The following COPB1 variants were observed in gnomAD, a reference collection of about 807,000 sequenced individuals.
COPB1 encodes coat protein complex I subunit beta 1, also known as coatomer subunit beta.
COPB1 carries 21 observed loss-of-function variants against 108.7 expected under a neutral mutation model. That is an observed-to-expected ratio of 0.19 (90% CI 0.14 to 0.28). COPB1 has a LOEUF of 0.28. Among genes scored for constraint, COPB1 ranks in the 10% least tolerant of loss-of-function variants. The pLI, the probability that COPB1 is intolerant of heterozygous loss-of-function variation, is 1.00. For synonymous variants in COPB1, 378 were observed against 386.8 expected, an observed-to-expected ratio of 0.98 and a Z score of 0.27; for missense variants, 919 against 1,141.3, an observed-to-expected ratio of 0.81 and a Z score of 2.81.
chr11:14,460,988 A>C (rs763082751), intron 19 of COPB1, among the ~76,000 whole-genome samples, 198 bp downstream of exon 19: 1 of 152,190 alleles, frequency 6.6e-6, no homozygotes. Flanking sequence ...CTGCTACTCT[A>C]ATCAATTTAT....
chr11:14,491,021 C>T (rs2575860), intron 4 of COPB1, among the ~76,000 whole-genome samples: 49,888 of 151,620 alleles, frequency 0.33, 9,485 homozygotes, highest in African/African-American at 0.53. Context: ...GAACTCCTGA[C>T]CTCATGATTT....
rs1376339518 is a variant in COPB1 at position 14,469,347 on chromosome 11, A to G, written c.1954T>C (p.Leu652=). ...MLSAKLEEEK[L]SQKKESEKRN... is the part of the protein sequence containing the mutation. ...CATATATACCTTACCTTTTGGGATA[A>G]TTTCTCTTCTTCTAGTTTAGCAGAT... is the stretch of plus-strand genomic sequence containing the variant. The change falls in exon 15 of 22, where the codon TTA becomes CTA. Residue 652 remains leucine (L), a synonymous_variant. Transcript: ENST00000439561. The G allele has an allele frequency of 6.2e-7, 1 of 1,613,738 alleles. No homozygotes were observed. Among genetic ancestry groups the G allele is most frequent in the South Asian group, 1.1e-5 (1 of 91,054 alleles).
intron 7 of COPB1, among the ~76,000 whole-genome samples, chr11:14,484,953 A>G (rs1850738258): frequency 6.6e-6 from 1 of 152,182 alleles, no homozygotes; most frequent in African/African-American, 2.4e-5. Context: ...AGAAAGGTAA[A>G]TACTCTATTA....
At chr11:14,468,917 G>C in intron 15 of COPB1, 57 bp from the exon 16 acceptor site, 7 of 1,431,476 alleles carry the variant, frequency 4.9e-6, no homozygotes, top group Non-Finnish European at 6.7e-6. Context: ...TTTTTTAGAG[G>C]CTTTTGACAG....
intron 17 of COPB1, 113 bp downstream of exon 17, chr11:14,466,169 A>C: frequency 9.6e-7 from 1 of 1,037,118 alleles, no homozygotes; most frequent in Non-Finnish European, 1.3e-6. Flanking sequence ...CTTGATTCAA[A>C]ATGTCAGAAA....
rs201479973 is a variant in COPB1 at position 14,480,813 on chromosome 11, T to C, written c.1158A>G (p.Thr386=). ...GAAATCGGACAGAACAGGAATGCAA[T>C]GTTCGCACTAGGAGTTGTCTGTATT... The part of the protein sequence containing the change: ...TDKYRQLLVR[T]LHSCSVRFPD... The change falls in exon 10 of 22, where the codon ACA becomes ACG. Residue 386 remains threonine (T), a synonymous_variant. Transcript: ENST00000439561. The C allele has an allele frequency of 6.2e-6, 10 of 1,613,998 alleles. No homozygotes were observed. Among genetic ancestry groups the C allele is most frequent in the African/African-American group, 1.3e-5 (1 of 74,938 alleles).
In COPB1 at chr11:14,475,991, A is replaced by T. The variant is rs538201410; in HGVS notation, c.1456-46T>A. The T allele has an allele frequency of 2.1e-5, 30 of 1,448,202 alleles. No homozygotes were observed. In the African/African-American group the frequency reaches 3.3e-4, roughly 16 times the overall value. The allele number at this position is 1,448,202 out of a possible 1,614,324, so 89.7% of individuals were successfully genotyped here. ...TCATTTTAGTAATAGTATCAACAGC[A>T]AGCAAAATTATCTTTAAATATTTGA... On this transcript the variant is annotated intron_variant, in intron 12 of 21. Transcript: ENST00000439561.
intron 14 of COPB1, chr11:14,473,860 A>G (rs904161781): frequency 1.3e-5 from 2 of 151,958 alleles, no homozygotes; most frequent in African/African-American, 4.8e-5. Context: ...AAAAAAAGCA[A>G]TATGTGCAAA....
At chr11:14,471,634 CTGGCCAGGCACGG>C (rs1279397083) in intron 14 of COPB1, among the ~76,000 whole-genome samples, 1 of 152,042 alleles carries the variant, frequency 6.6e-6, no homozygotes, top group Non-Finnish European at 1.5e-5. Flanking sequence ...CAAAAAGAAC[CTGGCCAGGCACGG>C]TGGCTCATGC....
chr11:14,484,862 A>AT, intron 7 of COPB1, among the ~76,000 whole-genome samples: 1 of 152,362 alleles, frequency 6.6e-6, no homozygotes, highest in South Asian at 2.1e-4. Context: ...AATTTAAACA[A>AT]TTTGGCTTTT....
chr11:14,487,945 A>C (rs1850814002), intron 6 of COPB1, among the ~76,000 whole-genome samples: 1 of 152,222 alleles, frequency 6.6e-6, no homozygotes. Flanking sequence ...TCAGAACATT[A>C]AGATGTAACC....
intron 21 of COPB1, among the ~76,000 whole-genome samples, 157 bp from the exon 22 acceptor site, chr11:14,458,040 C>A (rs1208875745): frequency 6.6e-6 from 1 of 150,664 alleles, no homozygotes; most frequent in Non-Finnish European, 1.5e-5. Flanking sequence ...CTGGTAATTA[C>A]CTTTCAGTGC....
chr11:14,461,377 T>TG (rs780321130), intron 18 of COPB1, 46 bp from the exon 19 acceptor site: 134 of 1,594,288 alleles, frequency 8.4e-5, no homozygotes, highest in Non-Finnish European at 1.1e-4. Flanking sequence ...GGGGCAAACT[T>TG]GAATTTAAAA....
intron 8 of COPB1, 111 bp downstream of exon 8, chr11:14,482,921 A>C (rs1414108032): frequency 1.0e-6 from 1 of 965,664 alleles, no homozygotes; most frequent in Non-Finnish European, 1.5e-6. Context: ...ATCAAAATAT[A>C]AACTGCTCAG....
At chr11:14,490,388 A>C (rs1232472543) in intron 5 of COPB1, among the ~76,000 whole-genome samples, 177 bp downstream of exon 5, 1 of 152,238 alleles carries the variant, frequency 6.6e-6, no homozygotes, top group Non-Finnish European at 1.5e-5. Flanking sequence ...CATATGCAAT[A>C]TTTTAGAGAA....
At chr11:14,494,112 ATCAAAGAC>A in intron 3 of COPB1, 90 bp downstream of exon 3, 1 of 834,164 alleles carries the variant, frequency 1.2e-6, no homozygotes, top group South Asian at 1.8e-5. Context: ...CTTACATCTT[ATCAAAGAC>A]TCAATTTTAA....
In COPB1 at chr11:14,457,608, A is replaced by C. The variant is rs1035236161; in HGVS notation, c.*216T>G. On this transcript the variant is annotated 3_prime_UTR_variant, in exon 22 of 22. Coordinates refer to ENST00000439561, the MANE Select transcript of COPB1 (RefSeq NM_001144061.2). ...AGGGTCTTGGTACATGAAACATTAT[A>C]TACTTTGAGGACAGCATTCAGAACT... 4 of 440,906 alleles carry C rather than the reference A, an allele frequency of 9.1e-6. No individual in the cohort carries two copies. The highest frequency in any genetic ancestry group is 1.7e-5 in the Non-Finnish European group (4 of 238,364). 27.3% of individuals were successfully genotyped at this position (440,906 alleles called of 1,614,324 possible).
intron 14 of COPB1, among the ~76,000 whole-genome samples, chr11:14,470,944 A>ACACACACACACACACACTCTCTCTCT (rs1285522756): frequency 1.1e-5 from 1 of 90,152 alleles, no homozygotes; most frequent in African/African-American, 5.2e-5. Context: ...ACACACACAC[A>ACACACACACACACACACTCTCTCTCT]CTCTCTCTCT....
chr11:14,473,599 T>C (rs959804718), intron 14 of COPB1, among the ~76,000 whole-genome samples: 7 of 96,648 alleles, frequency 7.2e-5, no homozygotes, highest in Non-Finnish European at 1.1e-4. Flanking sequence ...ACAACAATTA[T>C]TGATTACGTT....
Sources: gnomAD v4.1 joint callset for allele counts (sites outside exome capture counted in the v4.1 genomes callset) on GRCh38, gnomAD v4.1.1 for gene constraint, MANE v1.5 for transcripts, NCBI Gene and HGNC (gene_info 2026-07-23, HGNC 2026-07-21) for gene names.